SHISA9: variants seen among roughly 807,000 people sequenced by gnomAD.
The protein encoded by SHISA9 is protein shisa-9.
A neutral mutation model predicts 38.0 loss-of-function variants in SHISA9; 13 were observed. The ratio of observed to expected loss-of-function variants is 0.34; its 90% CI spans 0.22 to 0.54. The LOEUF (loss-of-function observed/expected upper bound fraction) is 0.54, where lower values mean the gene tolerates loss of function less well. SHISA9 is among the 20% of genes least tolerant of loss of function. The pLI is 0.91. For synonymous variants in SHISA9, 275 were observed against 242.0 expected (o/e 1.14, Z -1.27); for missense variants, 538 against 575.8 (o/e 0.93, Z 0.67).
At chr16:13,024,117 T>C (rs1403220955) in intron 2 of SHISA9, among the ~76,000 whole-genome samples, 2 of 152,318 alleles carry the variant, frequency 1.3e-5, no homozygotes, top group Non-Finnish European at 2.9e-5. Flanking sequence ...GTTATCTCCA[T>C]TTTAAAGGTG....
chr16:13,041,045 G>A (rs1358878933), intron 2 of SHISA9, among the ~76,000 whole-genome samples: 2 of 152,154 alleles, frequency 1.3e-5, no homozygotes, highest in Admixed American at 1.3e-4. Flanking sequence ...AACAAGTACT[G>A]TGTCGTTGGG....
chr16:13,512,741 A>T, the SHISA9 span, among the ~76,000 whole-genome samples: 1 of 151,788 alleles, frequency 6.6e-6, no homozygotes, highest in Non-Finnish European at 1.5e-5. Flanking sequence ...CAAACCTGAC[A>T]AAAACAAGCA....
Position 12,901,897 on chromosome 16 carries a change from A to C in SHISA9, c.-168A>C. Reference sequence around the variant, plus strand: ...GCTGAGGCGAACGCGGGCTGAGCCGAGCGCAGTGGCCGCCGACCACCGAGC... The same window carrying C: ...GCTGAGGCGAACGCGGGCTGAGCCGCGCGCAGTGGCCGCCGACCACCGAGC... On this transcript the variant is annotated 5_prime_UTR_variant, in exon 1 of 5. Transcript: ENST00000558583. The C allele has an allele frequency of 3.3e-6, 1 of 307,522 alleles. No homozygotes were observed. The highest frequency in any genetic ancestry group is 5.4e-6 in the Non-Finnish European group (1 of 184,724). 19.0% of individuals were successfully genotyped at this position (307,522 alleles called of 1,614,324 possible). A position where few individuals can be genotyped will look rare whatever the true frequency, so the allele number is the denominator to read the frequency against.
chr16:13,397,833 C>G, the SHISA9 span, among the ~76,000 whole-genome samples: 1 of 152,152 alleles, frequency 6.6e-6, no homozygotes, highest in Non-Finnish European at 1.5e-5. Context: ...TTCTGTATCC[C>G]AGGGTTTCTT....
At chr16:12,959,263 A>G (rs1055335252) in intron 2 of SHISA9, among the ~76,000 whole-genome samples, 1 of 152,254 alleles carries the variant, frequency 6.6e-6, no homozygotes, top group Non-Finnish European at 1.5e-5. Context: ...GACTAGAGGC[A>G]TTGGATATAT....
chr16:13,551,005 C>G, the SHISA9 span, among the ~76,000 whole-genome samples: 1 of 152,090 alleles, frequency 6.6e-6, no homozygotes, highest in African/African-American at 2.4e-5. Context: ...TGCCTGTAAT[C>G]CCAGCTACTT....
At chr16:13,230,521 T>G (rs886433571) in intron 4 of SHISA9, among the ~76,000 whole-genome samples, 1 of 151,996 alleles carries the variant, frequency 6.6e-6, no homozygotes, top group African/African-American at 2.4e-5. Flanking sequence ...GGCTAAAGGG[T>G]GGGTGGTCCC....
At chr16:13,404,485 A>G in the SHISA9 span, among the ~76,000 whole-genome samples, 1 of 152,312 alleles carries the variant, frequency 6.6e-6, no homozygotes. Flanking sequence ...AGGTAATTCC[A>G]GGCAGAGATA....
chr16:13,033,810 T>A (rs2073020291), intron 2 of SHISA9, among the ~76,000 whole-genome samples: 1 of 152,192 alleles, frequency 6.6e-6, no homozygotes, highest in African/African-American at 2.4e-5. Flanking sequence ...AAGTCCAAGA[T>A]GGTTCAGCCC....
intron 2 of SHISA9, among the ~76,000 whole-genome samples, chr16:12,924,982 G>A (rs2071375022): frequency 1.3e-5 from 2 of 152,216 alleles, no homozygotes; most frequent in Admixed American, 1.3e-4. Flanking sequence ...ACTTAGCATA[G>A]TGCCTGGTAA....
At chr16:13,277,868 C>T in the SHISA9 span, among the ~76,000 whole-genome samples, 6 of 151,946 alleles carry the variant, frequency 3.9e-5, no homozygotes, top group African/African-American at 9.7e-5. Context: ...CAAACAGTGA[C>T]GATTTAACGT....
chr16:13,298,205 C>T, the SHISA9 span, among the ~76,000 whole-genome samples: 2 of 152,124 alleles, frequency 1.3e-5, no homozygotes, highest in African/African-American at 4.8e-5. Context: ...CATCAACCTT[C>T]CTGGTCTTAA....
At chr16:13,333,329 C>A in the SHISA9 span, among the ~76,000 whole-genome samples, 1 of 152,164 alleles carries the variant, frequency 6.6e-6, no homozygotes, top group Non-Finnish European at 1.5e-5. Context: ...GCAGAGGAGG[C>A]TGGTTTGAGT....
At chr16:12,907,936 C>T (rs1472702566) in intron 1 of SHISA9, among the ~76,000 whole-genome samples, 1 of 152,212 alleles carries the variant, frequency 6.6e-6, no homozygotes, top group Non-Finnish European at 1.5e-5. Context: ...ACTGCAGCCT[C>T]TAGAGAGTCA....
At chr16:12,950,930 A>T (rs72782661) in intron 2 of SHISA9, among the ~76,000 whole-genome samples, 2,463 of 87,056 alleles carry the variant, frequency 0.028, 37 homozygotes, top group Middle Eastern at 0.099. Flanking sequence ...TTTTTTTTTT[A>T]AATGTGGCTA....
the SHISA9 span, among the ~76,000 whole-genome samples, chr16:13,335,554 C>T: frequency 2.0e-5 from 3 of 152,252 alleles, no homozygotes; most frequent in South Asian, 2.1e-4. Context: ...ATTCCTGCTC[C>T]GTACATAAAA....
At chr16:12,952,494 A>G (rs1412452180) in intron 2 of SHISA9, among the ~76,000 whole-genome samples, 3 of 152,170 alleles carry the variant, frequency 2.0e-5, no homozygotes. Flanking sequence ...AATTGACATC[A>G]TCTGATGTGG....
intron 2 of SHISA9, among the ~76,000 whole-genome samples, chr16:13,181,310 T>TACACACAC (rs149783109): frequency 3.0e-5 from 1 of 33,010 alleles, no homozygotes; most frequent in African/African-American, 1.6e-4. Flanking sequence ...TATATATATA[T>TACACACAC]ATACACACAC....
At chr16:13,418,858 C>T in the SHISA9 span, among the ~76,000 whole-genome samples, 1 of 152,212 alleles carries the variant, frequency 6.6e-6, no homozygotes, top group African/African-American at 2.4e-5. Context: ...ATAAACAACA[C>T]GGGCTAGCAG....
Sources: gnomAD v4.1 joint callset for allele counts (sites outside exome capture counted in the v4.1 genomes callset) on GRCh38, gnomAD v4.1.1 for gene constraint, MANE v1.5 for transcripts, NCBI Gene and HGNC (gene_info 2026-07-23, HGNC 2026-07-21) for gene names.